The following KLF8 variants were observed in gnomAD, a reference collection of about 807,000 sequenced individuals.
KLF8 encodes the protein Krueppel-like factor 8.
In KLF8, 10 loss-of-function variants were observed where a neutral mutation model predicts 18.2. The ratio of observed to expected loss-of-function variants is 0.55; its 90% CI spans 0.34 to 0.93. The LOEUF (loss-of-function observed/expected upper bound fraction) is 0.93, where lower values mean the gene tolerates loss of function less well. Among genes scored for constraint, KLF8 ranks in the 40% least tolerant of loss-of-function variants. KLF8 has a pLI of 0.02. For synonymous variants in KLF8, 109 were observed against 97.3 expected (o/e 1.12, Z -0.71); for missense variants, 264 against 277.9 (o/e 0.95, Z 0.36).
chrX:56,088,541 C>G, the KLF8 span, among the ~76,000 whole-genome samples: 13 of 111,673 alleles, frequency 1.2e-4, no homozygotes, highest in African/African-American at 4.2e-4. Context: ...GTATATCTTT[C>G]AAGTGGTATT....
the KLF8 span, among the ~76,000 whole-genome samples, chrX:56,190,284 C>G: frequency 9.0e-6 from 1 of 110,562 alleles, no homozygotes; most frequent in African/African-American, 3.3e-5. Context: ...GAGTATATAA[C>G]AATTGTAAAT....
chrX:56,159,581 T>TAC, the KLF8 span, among the ~76,000 whole-genome samples: 1 of 112,489 alleles, frequency 8.9e-6, no homozygotes. Flanking sequence ...TATTGGTCCA[T>TAC]TCAGAGATTC....
the KLF8 span, among the ~76,000 whole-genome samples, chrX:56,056,215 T>A: frequency 9.0e-6 from 1 of 110,895 alleles, no homozygotes; most frequent in Admixed American, 9.6e-5. Flanking sequence ...ATTTTTAAAA[T>A]TTTTGGTCTA....
intron 1 of KLF8, among the ~76,000 whole-genome samples, chrX:56,236,382 A>G (rs985275487): frequency 3.6e-5 from 4 of 112,037 alleles, no homozygotes; most frequent in African/African-American, 1.3e-4. Context: ...TTAATTTTGT[A>G]AACACTTAGA....
At chrX:55,985,377 A>G in the KLF8 span, among the ~76,000 whole-genome samples, 1 of 112,063 alleles carries the variant, frequency 8.9e-6, no homozygotes, top group Non-Finnish European at 1.9e-5. Context: ...TTTATTAAAT[A>G]GGGTGTCTTT....
At chrX:56,075,769 T>A in the KLF8 span, among the ~76,000 whole-genome samples, 2 of 111,719 alleles carry the variant, frequency 1.8e-5, no homozygotes, top group Non-Finnish European at 3.8e-5. Context: ...ACATGTGATG[T>A]TTTTCTTTCT....
the KLF8 span, among the ~76,000 whole-genome samples, chrX:56,052,942 G>A: frequency 3.6e-5 from 4 of 111,741 alleles, no homozygotes; most frequent in African/African-American, 6.5e-5. Flanking sequence ...AGGACCCTCC[G>A]AGCCAGGTGT....
At chrX:56,183,095 C>T in the KLF8 span, among the ~76,000 whole-genome samples, 1 of 112,317 alleles carries the variant, frequency 8.9e-6, no homozygotes, top group Admixed American at 9.4e-5. Context: ...AAGTAAGCCT[C>T]CTTGAGCTGC....
At chrX:56,211,981 G>T in the KLF8 span, among the ~76,000 whole-genome samples, 3 of 111,340 alleles carry the variant, frequency 2.7e-5, no homozygotes, top group African/African-American at 9.8e-5. Context: ...TAGTACCTGG[G>T]TATTGCTGCT....
chrX:56,107,989 T>A, the KLF8 span, among the ~76,000 whole-genome samples: 30 of 112,350 alleles, frequency 2.7e-4, no homozygotes, highest in Non-Finnish European at 4.5e-4. Flanking sequence ...AAATGGAATT[T>A]AAAAAAATCT....
chrX:56,158,271 C>A, the KLF8 span, among the ~76,000 whole-genome samples: 1 of 111,783 alleles, frequency 8.9e-6, no homozygotes, highest in Non-Finnish European at 1.9e-5. Flanking sequence ...GTACCAGTAC[C>A]ATGCTGTTTT....
At chrX:56,169,803 T>G in the KLF8 span, among the ~76,000 whole-genome samples, 237 of 111,926 alleles carry the variant, frequency 2.1e-3, no homozygotes, top group Non-Finnish European at 3.9e-3. Flanking sequence ...CGGCTGGTTT[T>G]GCCATGTTCT....
chrX:56,089,967 A>G, the KLF8 span, among the ~76,000 whole-genome samples: 3 of 111,931 alleles, frequency 2.7e-5, no homozygotes, highest in Non-Finnish European at 5.6e-5. Context: ...CTGTCCAGAG[A>G]AACTATTTTG....
At chrX:56,061,667 A>T in the KLF8 span, among the ~76,000 whole-genome samples, 75 of 111,484 alleles carry the variant, frequency 6.7e-4, no homozygotes, top group Non-Finnish European at 1.3e-3. Context: ...AGTTCTGTAG[A>T]TGTCTATTAG....
chrX:56,084,204 C>A, the KLF8 span, among the ~76,000 whole-genome samples: 20 of 110,636 alleles, frequency 1.8e-4, no homozygotes, highest in African/African-American at 4.6e-4. Flanking sequence ...TATAGGGAGA[C>A]CTTGTCCCCA....
At chrX:55,944,555 C>A in the KLF8 span, among the ~76,000 whole-genome samples, 1 of 111,586 alleles carries the variant, frequency 9.0e-6, no homozygotes, top group African/African-American at 3.3e-5. Flanking sequence ...CTGGTTTAGT[C>A]TTGGCAGGGT....
chrX:56,065,433 A>G, the KLF8 span, among the ~76,000 whole-genome samples: 4 of 111,723 alleles, frequency 3.6e-5, no homozygotes, highest in Admixed American at 3.8e-4. Context: ...TATGATATCT[A>G]TTTTTTGTAA....
chrX:55,945,359 G>T, the KLF8 span, among the ~76,000 whole-genome samples: 5 of 111,384 alleles, frequency 4.5e-5, no homozygotes, highest in African/African-American at 1.6e-4. Flanking sequence ...ACTTGGTGCA[G>T]AGCTGAGTTC....
the KLF8 span, among the ~76,000 whole-genome samples, chrX:56,098,584 C>T: frequency 9.1e-6 from 1 of 110,470 alleles, no homozygotes; most frequent in South Asian, 3.9e-4. Context: ...AAAAAAGTAC[C>T]TCAACTCAAT....
Sources: allele counts gnomAD v4.1 joint callset (sites outside exome capture counted in the v4.1 genomes callset), GRCh38; gene constraint gnomAD v4.1.1; transcripts MANE v1.5; gene names NCBI Gene and HGNC (gene_info 2026-07-23, HGNC 2026-07-21).